The following PTPRC variants were observed in gnomAD, a reference collection of about 807,000 sequenced individuals.
PTPRC encodes the protein protein tyrosine phosphatase receptor type C.
A neutral mutation model predicts 155.9 loss-of-function variants in PTPRC; 44 were observed. The ratio of observed to expected loss-of-function variants is 0.28; its 90% CI spans 0.22 to 0.36. The LOEUF (loss-of-function observed/expected upper bound fraction) is 0.36, where lower values mean the gene tolerates loss of function less well. PTPRC is among the 10% of genes least tolerant of loss of function. The probability of loss-of-function intolerance (pLI) is 1.00; values close to 1 mark genes in which losing one functional copy is unlikely to be tolerated. For synonymous variants in PTPRC, 525 were observed against 533.1 expected (o/e 0.98, Z 0.21); for missense variants, 1,401 against 1,564.6 (o/e 0.90, Z 1.76).
At chr1:198,660,018 CATATATATGTCCATAT>C (rs1482220664) in intron 2 of PTPRC, among the ~76,000 whole-genome samples, 16 of 77,666 alleles carry the variant, frequency 2.1e-4, no homozygotes, top group African/African-American at 8.0e-4. Flanking sequence ...TATATTTGTC[CATATATATGTCCATAT>C]ATATATATAT....
At chr1:198,718,936 G>A (rs985999244) in intron 14 of PTPRC, among the ~76,000 whole-genome samples, 7 of 151,914 alleles carry the variant, frequency 4.6e-5, no homozygotes, top group South Asian at 2.1e-4. Flanking sequence ...TAACTACTAT[G>A]TAGTTTTTAA....
chr1:198,748,493 C>A (rs976772899), intron 27 of PTPRC, among the ~76,000 whole-genome samples: 1 of 151,608 alleles, frequency 6.6e-6, no homozygotes, highest in Non-Finnish European at 1.5e-5. Flanking sequence ...GAAAAAAGAG[C>A]AAGTCTCTTT....
intron 29 of PTPRC, 61 bp from the exon 30 acceptor site, chr1:198,752,188 G>A: frequency 6.5e-7 from 1 of 1,536,848 alleles, no homozygotes; most frequent in Non-Finnish European, 9.0e-7. Context: ...GAAAGAGGGA[G>A]ACTGATCCTT....
chr1:198,681,377 A>T (rs536844063), intron 2 of PTPRC, among the ~76,000 whole-genome samples: 1 of 152,318 alleles, frequency 6.6e-6, no homozygotes, highest in Non-Finnish European at 1.5e-5. Context: ...TTCAGGCATT[A>T]TCTTTCTTGA....
At chr1:198,749,693 C>T in intron 28 of PTPRC, 144 bp downstream of exon 28, 1 of 755,672 alleles carries the variant, frequency 1.3e-6, no homozygotes, top group South Asian at 1.7e-5. Context: ...GTTTCAATTT[C>T]AATGCTACAA....
intron 15 of PTPRC, 76 bp from the exon 16 acceptor site, chr1:198,728,264 T>A (rs1229292065): frequency 6.2e-6 from 7 of 1,126,776 alleles, no homozygotes; most frequent in Non-Finnish European, 9.3e-6. Context: ...ATATAAATAC[T>A]TTGGAGGTGA....
intron 5 of PTPRC, chr1:198,700,267 C>T (rs1318030244): frequency 1.3e-5 from 2 of 159,186 alleles, no homozygotes; most frequent in African/African-American, 2.4e-5. Context: ...AAATTAGTGT[C>T]CAAATCACTT....
intron 2 of PTPRC, among the ~76,000 whole-genome samples, chr1:198,676,180 C>T (rs139553893): frequency 5.3e-5 from 8 of 152,192 alleles, no homozygotes; most frequent in East Asian, 1.9e-4. Flanking sequence ...GTATGAATGC[C>T]GAAGGTAGTA....
chr1:198,695,448 T>C (rs1042030882), intron 3 of PTPRC, among the ~76,000 whole-genome samples: 2 of 149,964 alleles, frequency 1.3e-5, no homozygotes, highest in African/African-American at 4.9e-5. Flanking sequence ...ATTAAATACA[T>C]CTTTATAATT....
At position 198,735,296 on chromosome 1, in the gene PTPRC, T is replaced by C. The variant is rs201160734; in HGVS notation, c.2403+44T>C. 5.7e-5 allele frequency: 82 copies of C among 1,441,162 alleles called. No homozygotes were observed. The African/African-American group carries it at 7.3e-4, about 13-fold the overall frequency. 89.3% of individuals were successfully genotyped at this position (1,441,162 alleles called of 1,614,324 possible). The stretch of plus-strand genomic sequence containing the variant: ...TAATTTTTGTTTTGATACTTTTTTA[T>C]AAAAATATAATTATGGAATATTAAA... On this transcript the variant is annotated intron_variant, in intron 23 of 32. Coordinates refer to ENST00000442510, the MANE Select transcript of PTPRC (RefSeq NM_002838.5).
chr1:198,640,603 C>T (rs974576598), intron 2 of PTPRC, among the ~76,000 whole-genome samples: 7 of 151,916 alleles, frequency 4.6e-5, no homozygotes, highest in Admixed American at 2.0e-4. Context: ...CCCTTTAAAG[C>T]TTATGATAAT....
In PTPRC at chr1:198,752,289, A is replaced by G; in HGVS notation, c.3248A>G (p.Tyr1083Cys). The change falls in exon 30 of 33, where the codon TAT (tyrosine) becomes TGT (cysteine). Residue 1083 changes from tyrosine to cysteine, a missense_variant. Physicochemically the swap from Tyr to Cys is radical, Grantham distance 194. Transcript: ENST00000442510. Reference protein sequence around the residue: ...AQYWGEGKQTYGDIEVDLKDT... With the variant: ...AQYWGEGKQTCGDIEVDLKDT... ...TACTGGGGAGAAGGAAAGCAAACAT[A>G]TGGAGATATTGAAGTTGACCTGAAA... 4 of 1,611,798 alleles carry G rather than the reference A, an allele frequency of 2.5e-6. No homozygotes were observed. The highest frequency in any genetic ancestry group is 3.4e-6 in the Non-Finnish European group (4 of 1,178,314).
intron 20 of PTPRC, 82 bp from the exon 21 acceptor site, chr1:198,734,114 A>C: frequency 1.5e-6 from 2 of 1,337,666 alleles, no homozygotes; most frequent in Non-Finnish European, 2.1e-6. Flanking sequence ...ATCTGAAGCA[A>C]TTCCTCTAAC....
At chr1:198,736,322 C>G (rs1654635394) in intron 23 of PTPRC, among the ~76,000 whole-genome samples, 1 of 151,566 alleles carries the variant, frequency 6.6e-6, no homozygotes, top group Admixed American at 6.6e-5. Context: ...TTAACCATCA[C>G]CATTTCCACC....
chr1:198,752,857 T>C, intron 31 of PTPRC, 85 bp downstream of exon 31: 3 of 1,441,538 alleles, frequency 2.1e-6, no homozygotes, highest in Non-Finnish European at 2.9e-6. Context: ...GTTATCCTCA[T>C]ATATGAAACA....
chr1:198,684,350 A>G (rs1665502680), intron 2 of PTPRC, among the ~76,000 whole-genome samples: 1 of 151,876 alleles, frequency 6.6e-6, no homozygotes, highest in Non-Finnish European at 1.5e-5. Flanking sequence ...AGCAAAAAAC[A>G]TTATTGTAAA....
chr1:198,692,640 A>C, intron 3 of PTPRC: 1 of 985,886 alleles, frequency 1.0e-6, no homozygotes, highest in Non-Finnish European at 1.2e-6. Flanking sequence ...ATCACACAAC[A>C]GGTTTCTACT....
chr1:198,680,470 G>C (rs896966615), intron 2 of PTPRC, among the ~76,000 whole-genome samples: 2 of 150,032 alleles, frequency 1.3e-5, no homozygotes, highest in Non-Finnish European at 3.0e-5. Flanking sequence ...AAAAAAAATA[G>C]ATACAACAAT....
chr1:198,695,120 A>T, intron 3 of PTPRC: 2 of 900,760 alleles, frequency 2.2e-6, no homozygotes, highest in Non-Finnish European at 2.7e-6. Flanking sequence ...TGTATTTAGT[A>T]AAAATTAACT....
Sources: allele counts gnomAD v4.1 joint callset (sites outside exome capture counted in the v4.1 genomes callset), GRCh38; gene constraint gnomAD v4.1.1; transcripts MANE v1.5; gene names NCBI Gene and HGNC (gene_info 2026-07-23, HGNC 2026-07-21).